The following EDIL3 variants were observed in gnomAD, a reference collection of about 807,000 sequenced individuals.
The protein encoded by EDIL3 is EGF-like repeat and discoidin I-like domain-containing protein 3.
In EDIL3, 37 loss-of-function variants were observed where a neutral mutation model predicts 67.4. The ratio of observed to expected loss-of-function variants is 0.55; its 90% CI spans 0.42 to 0.72. The LOEUF is 0.72. Ranked by LOEUF, EDIL3 falls within the 30% of genes least tolerant of loss-of-function variation. The probability of loss-of-function intolerance (pLI) is 0.00; values close to 1 mark genes in which losing one functional copy is unlikely to be tolerated. For synonymous variants in EDIL3, 195 were observed against 196.3 expected (o/e 0.99, Z 0.05); for missense variants, 527 against 586.3 (o/e 0.90, Z 1.04).
chr5:84,272,423 T>C (rs937318830), intron 1 of EDIL3, among the ~76,000 whole-genome samples: 12 of 151,960 alleles, frequency 7.9e-5, no homozygotes, highest in African/African-American at 1.7e-4. Context: ...TCTAAGGAGG[T>C]TTTAACTTAT....
chr5:84,161,070 T>A (rs147907041), intron 4 of EDIL3, among the ~76,000 whole-genome samples: 8 of 152,080 alleles, frequency 5.3e-5, no homozygotes, highest in African/African-American at 1.7e-4. Flanking sequence ...TAGCTCCCAC[T>A]TACAAATGAG....
intron 1 of EDIL3, among the ~76,000 whole-genome samples, chr5:84,276,118 C>T (rs944250601): frequency 9.9e-5 from 15 of 152,158 alleles, no homozygotes; most frequent in African/African-American, 3.6e-4. Context: ...ACACACCTTT[C>T]TGGGTCTTTT....
intron 2 of EDIL3, among the ~76,000 whole-genome samples, chr5:84,239,577 T>G (rs901403366): frequency 6.6e-6 from 1 of 152,212 alleles, no homozygotes; most frequent in Non-Finnish European, 1.5e-5. Flanking sequence ...AACCTTCAGC[T>G]ACATCTTATG....
intron 9 of EDIL3, among the ~76,000 whole-genome samples, chr5:84,052,873 C>T (rs1387700173): frequency 6.6e-6 from 1 of 152,056 alleles, no homozygotes; most frequent in African/African-American, 2.4e-5. Flanking sequence ...ACTTTAATAC[C>T]CCACTGTCAA....
intron 5 of EDIL3, among the ~76,000 whole-genome samples, chr5:84,122,485 A>G (rs1256549693): frequency 1.3e-5 from 2 of 151,890 alleles, no homozygotes; most frequent in Non-Finnish European, 2.9e-5. Flanking sequence ...TACATTAGGT[A>G]TATCTCCTAA....
At chr5:84,371,029 T>C (rs548604649) in intron 1 of EDIL3, among the ~76,000 whole-genome samples, 2 of 152,100 alleles carry the variant, frequency 1.3e-5, no homozygotes, top group South Asian at 4.1e-4. Context: ...GAGATATTCT[T>C]CCTGCCTTCA....
At chr5:84,262,427 T>C (rs1244516765) in intron 1 of EDIL3, among the ~76,000 whole-genome samples, 1 of 152,162 alleles carries the variant, frequency 6.6e-6, no homozygotes, top group Non-Finnish European at 1.5e-5. Context: ...AAGGTATTTA[T>C]GTGACTAGCT....
chr5:84,136,261 T>A (rs1748090067), intron 5 of EDIL3, among the ~76,000 whole-genome samples: 1 of 152,204 alleles, frequency 6.6e-6, no homozygotes, highest in African/African-American at 2.4e-5. Flanking sequence ...AGTTTGTGCA[T>A]CTGAAGTCTC....
intron 3 of EDIL3, among the ~76,000 whole-genome samples, chr5:84,206,771 T>C (rs891228143): frequency 2.0e-5 from 3 of 151,970 alleles, no homozygotes; most frequent in African/African-American, 7.3e-5. Flanking sequence ...TAATCCAGCA[T>C]ATAAACAGAA....
At chr5:84,117,029 T>TA (rs1747679398) in intron 5 of EDIL3, among the ~76,000 whole-genome samples, 3 of 123,456 alleles carry the variant, frequency 2.4e-5, no homozygotes, top group African/African-American at 1.1e-4. Context: ...TATTTTTTTT[T>TA]TTTTTTTTTT....
At chr5:84,177,347 A>G (rs543464206) in intron 4 of EDIL3, among the ~76,000 whole-genome samples, 2 of 152,238 alleles carry the variant, frequency 1.3e-5, no homozygotes, top group Non-Finnish European at 2.9e-5. Flanking sequence ...AAAAGGCTAC[A>G]TACTATGTGA....
intron 1 of EDIL3, among the ~76,000 whole-genome samples, chr5:84,331,785 G>A (rs957448339): frequency 2.6e-4 from 40 of 152,106 alleles, no homozygotes; most frequent in African/African-American, 8.4e-4. Flanking sequence ...CTTTAGTACA[G>A]AGCCTATTCA....
intron 6 of EDIL3, among the ~76,000 whole-genome samples, chr5:84,085,519 C>A (rs1270849609): frequency 3.3e-5 from 5 of 152,326 alleles, no homozygotes; most frequent in African/African-American, 1.2e-4. Context: ...TGCAGAACAG[C>A]AAAGACTGCT....
intron 4 of EDIL3, among the ~76,000 whole-genome samples, chr5:84,173,744 T>C (rs867736763): frequency 1.8e-4 from 28 of 152,280 alleles, no homozygotes; most frequent in Middle Eastern, 6.8e-3. Flanking sequence ...GCCATCCCCC[T>C]CCTCAGCTGG....
chr5:84,375,082 CT>C (rs943295814), intron 1 of EDIL3, among the ~76,000 whole-genome samples: 1 of 151,824 alleles, frequency 6.6e-6, no homozygotes, highest in African/African-American at 2.4e-5. Flanking sequence ...AGCAATTCTG[CT>C]GCCTCAGCCT....
At chr5:84,219,763 A>G (rs1240516503) in intron 3 of EDIL3, among the ~76,000 whole-genome samples, 1 of 152,218 alleles carries the variant, frequency 6.6e-6, no homozygotes, top group African/African-American at 2.4e-5. Flanking sequence ...CATATGGACA[A>G]TGGAGTACTA....
chr5:84,237,951 C>T (rs535965692), intron 2 of EDIL3, among the ~76,000 whole-genome samples: 1 of 152,100 alleles, frequency 6.6e-6, no homozygotes, highest in East Asian at 1.9e-4. Flanking sequence ...GATCCATGTG[C>T]CTGGCAGATG....
chr5:84,038,342 T>C (rs1489630910), intron 9 of EDIL3, among the ~76,000 whole-genome samples: 1 of 152,170 alleles, frequency 6.6e-6, no homozygotes, highest in South Asian at 2.1e-4. Context: ...AAAGCCTCTC[T>C]AAATGATCAT....
chr5:84,349,569 A>G (rs1747313428), intron 1 of EDIL3, among the ~76,000 whole-genome samples: 1 of 152,184 alleles, frequency 6.6e-6, no homozygotes, highest in Admixed American at 6.6e-5. Context: ...ATATTTCTTT[A>G]AATATAAATT....
Sources: allele counts gnomAD v4.1 joint callset (sites outside exome capture counted in the v4.1 genomes callset), GRCh38; gene constraint gnomAD v4.1.1; transcripts MANE v1.5; gene names NCBI Gene and HGNC (gene_info 2026-07-23, HGNC 2026-07-21).